THADA: variants seen among roughly 807,000 people sequenced by gnomAD.
THADA encodes the protein tRNA (32-2'-O)-methyltransferase regulator THADA.
A neutral mutation model predicts 219.8 loss-of-function variants in THADA; 213 were observed. That is an observed-to-expected ratio of 0.97 (90% CI 0.87 to 1.09). The LOEUF is 1.09. Ranked by LOEUF, THADA falls within the 50% of genes least tolerant of loss-of-function variation. THADA has a pLI of 0.00. For synonymous variants in THADA, 1,018 were observed against 828.9 expected, an observed-to-expected ratio of 1.23 and a Z score of -3.92; for missense variants, 2,956 against 2,311.3, an observed-to-expected ratio of 1.28 and a Z score of -5.72.
intron 28 of THADA, among the ~76,000 whole-genome samples, chr2:43,415,924 G>A (rs1220460053): frequency 6.6e-6 from 1 of 152,044 alleles, no homozygotes; most frequent in African/African-American, 2.4e-5. Flanking sequence ...TTTTCATTCT[G>A]GCTACAAATT....
At chr2:43,388,037 A>G (rs1486411624) in intron 29 of THADA, among the ~76,000 whole-genome samples, 1 of 152,226 alleles carries the variant, frequency 6.6e-6, no homozygotes, top group Non-Finnish European at 1.5e-5. Context: ...TAACTCAAAT[A>G]CGTTGGGTGC....
At chr2:43,407,374 CT>C (rs1017755850) in intron 28 of THADA, among the ~76,000 whole-genome samples, 6 of 151,916 alleles carry the variant, frequency 3.9e-5, no homozygotes, top group Non-Finnish European at 8.8e-5. Flanking sequence ...CATTAAAAAA[CT>C]TTTTTTTAGC....
At chr2:43,457,970 C>A (rs7572923) in intron 26 of THADA, among the ~76,000 whole-genome samples, 16,745 of 152,006 alleles carry the variant, frequency 0.11, 1,047 homozygotes, top group African/African-American at 0.16. Context: ...CATACACACA[C>A]AGTCTCACTG....
chr2:43,453,938 A>C (rs780124614), intron 26 of THADA, among the ~76,000 whole-genome samples: 5 of 152,218 alleles, frequency 3.3e-5, no homozygotes, highest in Non-Finnish European at 7.3e-5. Flanking sequence ...TCTGTCACCC[A>C]GGCTGGAGTG....
chr2:43,418,923 T>C (rs1185269478), intron 28 of THADA, among the ~76,000 whole-genome samples: 1 of 151,738 alleles, frequency 6.6e-6, no homozygotes, highest in African/African-American at 2.4e-5. Context: ...AATAAGGAGG[T>C]CACTCCTATT....
intron 30 of THADA, among the ~76,000 whole-genome samples, chr2:43,337,260 G>C (rs915581463): frequency 1.4e-4 from 22 of 152,208 alleles, no homozygotes; most frequent in African/African-American, 5.3e-4. Flanking sequence ...ATCTCTGTTT[G>C]GTAATATAGA....
At chr2:43,248,947 T>C (rs1669539966) in intron 36 of THADA, among the ~76,000 whole-genome samples, 1 of 152,200 alleles carries the variant, frequency 6.6e-6, no homozygotes, top group Non-Finnish European at 1.5e-5. Context: ...TCTCATGCTC[T>C]GCCTTCACCT....
At chr2:43,249,581 T>A (rs1183965583) in intron 36 of THADA, among the ~76,000 whole-genome samples, 2 of 152,194 alleles carry the variant, frequency 1.3e-5, no homozygotes, top group African/African-American at 4.8e-5. Flanking sequence ...CTACGTGGCT[T>A]CCCGGCCCCC....
chr2:43,586,068 C>T (rs1039299179), intron 7 of THADA, among the ~76,000 whole-genome samples: 2 of 151,930 alleles, frequency 1.3e-5, no homozygotes, highest in Admixed American at 6.6e-5. Flanking sequence ...AGTTTAAGAC[C>T]AGCCTGGGCA....
chr2:43,382,084 C>T (rs1460121340), intron 29 of THADA, among the ~76,000 whole-genome samples: 6 of 152,002 alleles, frequency 3.9e-5, no homozygotes, highest in Non-Finnish European at 7.4e-5. Context: ...TTAACACCAT[C>T]AAAAACATGA....
intron 36 of THADA, among the ~76,000 whole-genome samples, chr2:43,268,738 G>A (rs544473516): frequency 2.6e-5 from 4 of 152,270 alleles, no homozygotes; most frequent in South Asian, 4.1e-4. Context: ...AGAACTTCTC[G>A]GGCAGCACTG....
chr2:43,558,525 T>A (rs1480357670), intron 16 of THADA, among the ~76,000 whole-genome samples: 1 of 152,168 alleles, frequency 6.6e-6, no homozygotes, highest in African/African-American at 2.4e-5. Flanking sequence ...CACAATCTAA[T>A]CAGATGCCAG....
intron 22 of THADA, among the ~76,000 whole-genome samples, chr2:43,509,043 A>G (rs1396080561): frequency 6.6e-6 from 1 of 152,118 alleles, no homozygotes; most frequent in Non-Finnish European, 1.5e-5. Flanking sequence ...TTGCATCCAC[A>G]CTCAAAATAT....
intron 36 of THADA, among the ~76,000 whole-genome samples, chr2:43,250,242 TGATTCACGCTACAGCATG>T (rs1669676116): frequency 1.3e-5 from 2 of 152,272 alleles, no homozygotes; most frequent in African/African-American, 2.4e-5. Context: ...CTAAAAGTGC[TGATTCACGCTACAGCATG>T]GATGAACCTT....
chr2:43,422,573 G>C (rs539852884), intron 28 of THADA, among the ~76,000 whole-genome samples: 6 of 152,268 alleles, frequency 3.9e-5, no homozygotes, highest in African/African-American at 1.4e-4. Context: ...CATTCACCAA[G>C]ATATTTTTTC....
At chr2:43,493,020 C>T (rs1051285590) in intron 25 of THADA, among the ~76,000 whole-genome samples, 1 of 152,198 alleles carries the variant, frequency 6.6e-6, no homozygotes, top group Non-Finnish European at 1.5e-5. Flanking sequence ...GTGTAGCACC[C>T]TTGTGGCAAC....
At chr2:43,449,228 G>A (rs1681993253) in intron 26 of THADA, among the ~76,000 whole-genome samples, 1 of 152,082 alleles carries the variant, frequency 6.6e-6, no homozygotes, top group African/African-American at 2.4e-5. Context: ...AGTAGGTAAA[G>A]GAAATAATCA....
chr2:43,291,698 C>A lies in THADA; in HGVS notation c.5008G>T (p.Glu1670Ter). ...AACAAGATCAGAACCAGCCTTACCT[C>A]CACACATGTCTGCATGTGGTGGGAA... ...VISHHMQTCV[E>*]NRELIAAELK... The change falls in exon 34 of 38, where the codon GAG becomes TAG. Residue 1670 changes from glutamate (E) to a stop codon, truncating the protein, a stop_gained and splice_region_variant. Coordinates refer to ENST00000405975, the MANE Select transcript of THADA (RefSeq NM_022065.5). LOFTEE classifies it high-confidence loss of function. 6.4e-7 allele frequency: 1 copy of A among 1,552,556 alleles called. No individual in the cohort carries two copies. Among genetic ancestry groups the A allele is most frequent in the Non-Finnish European group, 8.7e-7 (1 of 1,146,278 alleles).
chr2:43,453,624 T>C (rs905426344), intron 26 of THADA, among the ~76,000 whole-genome samples: 1 of 152,208 alleles, frequency 6.6e-6, no homozygotes, highest in Non-Finnish European at 1.5e-5. Flanking sequence ...TTTTTGGTTT[T>C]CTCACAAACG....
Sources: gnomAD v4.1 joint callset for allele counts (sites outside exome capture counted in the v4.1 genomes callset) on GRCh38, gnomAD v4.1.1 for gene constraint, MANE v1.5 for transcripts, NCBI Gene and HGNC (gene_info 2026-07-23, HGNC 2026-07-21) for gene names.